ABCG1: variants seen among roughly 807,000 people sequenced by gnomAD.
ABCG1 encodes the protein ATP-binding cassette sub-family G member 1.
In ABCG1, 29 loss-of-function variants were observed where a neutral mutation model predicts 69.2. The ratio of observed to expected loss-of-function variants is 0.42; its 90% CI spans 0.31 to 0.57. The LOEUF (loss-of-function observed/expected upper bound fraction) is 0.57, where lower values mean the gene tolerates loss of function less well. Ranked by LOEUF, ABCG1 falls within the 20% of genes least tolerant of loss-of-function variation. The probability of loss-of-function intolerance (pLI) is 0.15; values close to 1 mark genes in which losing one functional copy is unlikely to be tolerated. For missense variants in ABCG1, 718 were observed against 898.1 expected (o/e 0.80, Z 2.56); for synonymous variants, 370 against 374.8 (o/e 0.99, Z 0.15).
chr21:42,273,576 C>T lies in ABCG1; in HGVS notation c.537+141C>T, dbSNP rs577643047. 4.2e-5 allele frequency: 40 copies of T among 958,466 alleles called. No homozygotes were observed. The highest frequency in any genetic ancestry group is 5.4e-5 in the Non-Finnish European group (36 of 665,262). The allele number at this position is 958,466 out of a possible 1,614,324, so 59.4% of individuals were successfully genotyped here. ...GGCCTGCACAGGGCCAGCAACCTCC[C>T]TCTAGCGGAGTTCTAACACCAGACT... On this transcript the variant is annotated intron_variant, in intron 4 of 14. Coordinates refer to ENST00000398449, the MANE Select transcript of ABCG1 (RefSeq NM_016818.3). This position sits in a 1 kb window ranked among gnomAD's most constrained non-coding sequence, Gnocchi z 5.3.
chr21:42,248,169 G>C (rs2068161354), intron 2 of ABCG1, among the ~76,000 whole-genome samples: 1 of 152,208 alleles, frequency 6.6e-6, no homozygotes, highest in African/African-American at 2.4e-5. Context: ...TGTTAAACCT[G>C]TTCAAGCTGC....
intron 6 of ABCG1, among the ~76,000 whole-genome samples, chr21:42,282,637 A>G (rs780303430): frequency 6.6e-6 from 1 of 151,992 alleles, no homozygotes; most frequent in Non-Finnish European, 1.5e-5. Flanking sequence ...GCTTGTGTTG[A>G]CCCTGGGGGT....
chr21:42,204,298 G>A (rs1693545982), intron 2 of ABCG1, among the ~76,000 whole-genome samples: 1 of 152,264 alleles, frequency 6.6e-6, no homozygotes, highest in South Asian at 2.1e-4. Context: ...TAAGAGTGGT[G>A]AAAGCAAACA....
At chr21:42,279,622 G>A (rs1348513326) in intron 5 of ABCG1, among the ~76,000 whole-genome samples, 1 of 152,258 alleles carries the variant, frequency 6.6e-6, no homozygotes, top group African/African-American at 2.4e-5. Context: ...TGGAGCCCAT[G>A]TGATCCATAT....
In ABCG1 at chr21:42,199,752, T is replaced by C. The variant is rs555189326; in HGVS notation, c.-197T>C. 3.3e-5 allele frequency: 5 copies of C among 152,356 alleles called. No individual in the cohort carries two copies. In the South Asian group the frequency reaches 1.0e-3, roughly 32 times the overall value. 9.4% of individuals were successfully genotyped at this position (152,356 alleles called of 1,614,324 possible). On this transcript the variant is annotated 5_prime_UTR_variant, in exon 1 of 16. Transcript: ENST00000398457. ...ATGCCTGCAGTGGTGAAAACTGAAATTTTGTCCCACTTAAGGGAGTTTCTT... is the reference window on the plus strand; with the variant it reads ...ATGCCTGCAGTGGTGAAAACTGAAACTTTGTCCCACTTAAGGGAGTTTCTT...
chr21:42,247,651 C>A (rs968897084), intron 2 of ABCG1, among the ~76,000 whole-genome samples: 9 of 152,132 alleles, frequency 5.9e-5, no homozygotes, highest in African/African-American at 2.2e-4. Context: ...GTAAATGTGA[C>A]CTTATTCAGA....
chr21:42,268,388 T>TGTGTGTGTGC (rs57264459), intron 2 of ABCG1, among the ~76,000 whole-genome samples: 304 of 110,158 alleles, frequency 2.8e-3, no homozygotes, highest in Middle Eastern at 4.5e-3. Context: ...TGTGTGTGTG[T>TGTGTGTGTGC]GCGCGCGCGC....
rs148129754 is a variant in ABCG1, at chr21:42,278,840, T to C, written c.588+1895T>C. ...AAATCAACAGAACGGGGCCCTGGGATTGAGCCAGGGCGACCTTCACTCTCC... is the reference window on the plus strand; with the variant it reads ...AAATCAACAGAACGGGGCCCTGGGACTGAGCCAGGGCGACCTTCACTCTCC... On this transcript the variant is annotated intron_variant, in intron 5 of 14. Transcript: ENST00000398449. Among the ~76,000 whole-genome samples the C allele has an allele frequency of 4.5e-3, 678 of 151,930 alleles. 2 individuals are homozygous for C. Among genetic ancestry groups the C allele is most frequent in the African/African-American group, 0.015 (640 of 41,466 alleles).
At chr21:42,209,031 G>C (rs2067565835) in intron 2 of ABCG1, among the ~76,000 whole-genome samples, 1 of 152,184 alleles carries the variant, frequency 6.6e-6, no homozygotes, top group Non-Finnish European at 1.5e-5. Flanking sequence ...CCTGGAAAGG[G>C]GAGCTGTGGA....
intron 2 of ABCG1, among the ~76,000 whole-genome samples, chr21:42,208,288 C>T (rs988289795): frequency 2.0e-5 from 3 of 148,960 alleles, no homozygotes; most frequent in African/African-American, 7.5e-5. Context: ...TCAACTCAAA[C>T]TCTGGGACAT....
At chr21:42,207,071 A>G (rs748776557) in intron 2 of ABCG1, 1 of 151,956 alleles carries the variant, frequency 6.6e-6, no homozygotes, top group Non-Finnish European at 1.5e-5. Flanking sequence ...ATGTCTTGGT[A>G]TAGTTTTATT....
chr21:42,203,907 C>CT (rs1487320862), intron 2 of ABCG1, among the ~76,000 whole-genome samples: 1 of 152,014 alleles, frequency 6.6e-6, no homozygotes, highest in Non-Finnish European at 1.5e-5. Context: ...TTCTTTAGTT[C>CT]TTTTTTTACT....
Position 42,291,858 on chromosome 21 carries a change from G to A in ABCG1, c.1653+202G>A, listed in dbSNP as rs369918923. 8.5e-5 allele frequency among the ~76,000 whole-genome samples: 13 copies of A among 152,310 alleles called. 1 individual carries two copies. The highest frequency in any genetic ancestry group is 3.9e-4 in the East Asian group (2 of 5,180). ...CAGTGCGCACAGCGGGCAGCCTCAC[G>A]TGTGCTGACTGCGTGCTGGGCGCTC... On this transcript the variant is annotated intron_variant, in intron 13 of 14. Coordinates refer to ENST00000398449, the MANE Select transcript of ABCG1 (RefSeq NM_016818.3). This position sits in a 1 kb window ranked among gnomAD's most constrained non-coding sequence, Gnocchi z 6.4.
At chr21:42,235,480 A>C (rs2067966445) in intron 2 of ABCG1, among the ~76,000 whole-genome samples, 1 of 152,222 alleles carries the variant, frequency 6.6e-6, no homozygotes, top group South Asian at 2.1e-4. Context: ...GACCAGGAGA[A>C]CACGTGCCCA....
intron 2 of ABCG1, among the ~76,000 whole-genome samples, chr21:42,238,535 C>T (rs2068007783): frequency 1.3e-5 from 2 of 152,196 alleles, no homozygotes; most frequent in African/African-American, 4.8e-5. Context: ...CTTATTATTT[C>T]TGAGAGATCT....
intron 6 of ABCG1, among the ~76,000 whole-genome samples, chr21:42,283,688 T>TGTCCCGCCTGGACAG (rs2123778667): frequency 9.2e-6 from 1 of 108,934 alleles, no homozygotes; most frequent in Admixed American, 1.1e-4. Context: ...CCCCCACCTC[T>TGTCCCGCCTGGACAG]TTCCCACCTG....
At chr21:42,237,335 C>T (rs1418090032) in intron 2 of ABCG1, among the ~76,000 whole-genome samples, 1 of 152,256 alleles carries the variant, frequency 6.6e-6, no homozygotes, top group Admixed American at 6.5e-5. Flanking sequence ...GCTAGCCAGG[C>T]TGAACTGCCA....
chr21:42,291,344 G>A lies in ABCG1; in HGVS notation c.1494+152G>A, dbSNP rs2069054624. The A allele has an allele frequency of 1.6e-6, 2 of 1,227,258 alleles. No individual in the cohort carries two copies. The highest frequency in any genetic ancestry group is 1.1e-6 in the Non-Finnish European group (1 of 870,428). 76.0% of individuals were successfully genotyped at this position (1,227,258 alleles called of 1,614,324 possible). A position where few individuals can be genotyped will look rare whatever the true frequency, so the allele number is the denominator to read the frequency against. Reference sequence around the variant, plus strand: ...GCTGCGGGGAAGGGCCTGACTTCGGGAGCTGTGGCGGGAGCTGTGGGGAGT... The same window carrying A: ...GCTGCGGGGAAGGGCCTGACTTCGGAAGCTGTGGCGGGAGCTGTGGGGAGT... On this transcript the variant is annotated intron_variant, in intron 12 of 14. Coordinates refer to ENST00000398449, the MANE Select transcript of ABCG1 (RefSeq NM_016818.3). This position sits in a 1 kb window ranked among gnomAD's most constrained non-coding sequence, Gnocchi z 6.4.
chr21:42,271,325 T>G (rs2068613775), intron 3 of ABCG1, 138 bp downstream of exon 3: 1 of 525,396 alleles, frequency 1.9e-6, no homozygotes, highest in Non-Finnish European at 3.2e-6. Context: ...GAGAGTGACA[T>G]TGAGAGGCTG....
Sources: allele counts gnomAD v4.1 joint callset (sites outside exome capture counted in the v4.1 genomes callset), GRCh38; gene constraint gnomAD v4.1.1; non-coding constraint Gnocchi (gnomAD v3.1); transcripts MANE v1.5; gene names NCBI Gene and HGNC (gene_info 2026-07-23, HGNC 2026-07-21).